COL25A1: variants seen among roughly 807,000 people sequenced by gnomAD.
The protein encoded by COL25A1 is collagen type XXV alpha 1 chain, also known as collagen alpha-1(XXV) chain.
COL25A1 carries 103 observed loss-of-function variants against 128.4 expected under a neutral mutation model. That is an observed-to-expected ratio of 0.80 (90% CI 0.68 to 0.94). The LOEUF (loss-of-function observed/expected upper bound fraction) is 0.94, where lower values mean the gene tolerates loss of function less well. Among genes scored for constraint, COL25A1 ranks in the 40% least tolerant of loss-of-function variants. The pLI is 0.00. For missense variants in COL25A1, 745 were observed against 840.0 expected (o/e 0.89, Z 1.40); for synonymous variants, 279 against 277.2 (o/e 1.01, Z -0.06).
chr4:108,985,263 C>T (rs1753556053), intron 6 of COL25A1, among the ~76,000 whole-genome samples: 4 of 152,174 alleles, frequency 2.6e-5, no homozygotes, highest in Admixed American at 2.6e-4. Flanking sequence ...CAGCCTTGCC[C>T]CAGTTACTCT....
At chr4:109,077,321 T>C (rs1763461881) in intron 3 of COL25A1, among the ~76,000 whole-genome samples, 1 of 152,100 alleles carries the variant, frequency 6.6e-6, no homozygotes, top group African/African-American at 2.4e-5. Flanking sequence ...CAAGCACTGC[T>C]CTAGGGAACA....
At chr4:108,840,988 C>A (rs1251177693) in intron 31 of COL25A1, among the ~76,000 whole-genome samples, 2 of 152,194 alleles carry the variant, frequency 1.3e-5, no homozygotes, top group Non-Finnish European at 2.9e-5. Context: ...GAACATAAGT[C>A]TTCATCACGT....
At chr4:109,134,022 T>G (rs1022994792) in intron 3 of COL25A1, among the ~76,000 whole-genome samples, 4 of 151,928 alleles carry the variant, frequency 2.6e-5, no homozygotes, top group African/African-American at 9.7e-5. Flanking sequence ...TGAAAGAAAT[T>G]AGTATTAAAT....
chr4:109,130,002 T>TAAAAAAAAAAAAAAA (rs35187548), intron 3 of COL25A1, among the ~76,000 whole-genome samples: 1 of 138,696 alleles, frequency 7.2e-6, no homozygotes. Context: ...AAAGTATAAT[T>TAAAAAAAAAAAAAAA]AAAAAAAAAA....
intron 3 of COL25A1, among the ~76,000 whole-genome samples, chr4:109,169,177 T>C (rs1192356963): frequency 1.3e-5 from 2 of 152,212 alleles, no homozygotes; most frequent in African/African-American, 4.8e-5. Flanking sequence ...ACTCAGTGTG[T>C]CCTGACACAT....
At chr4:109,157,147 C>T (rs371246233) in intron 3 of COL25A1, among the ~76,000 whole-genome samples, 1 of 152,200 alleles carries the variant, frequency 6.6e-6, no homozygotes, top group East Asian at 1.9e-4. Flanking sequence ...AGGAAGAGCA[C>T]AGTGACTGAA....
intron 5 of COL25A1, among the ~76,000 whole-genome samples, chr4:109,039,363 ATC>A (rs1404226748): frequency 6.6e-6 from 1 of 152,012 alleles, no homozygotes; most frequent in African/African-American, 2.4e-5. Context: ...TTACTTCCTA[ATC>A]TCTTTCTTGA....
At chr4:108,824,092 A>G (rs1188835423) in intron 35 of COL25A1, 82 bp downstream of exon 35, 1 of 1,613,832 alleles carries the variant, frequency 6.2e-7, no homozygotes, top group Non-Finnish European at 8.5e-7. Flanking sequence ...ATTAAGTGTC[A>G]AATGGAATCA....
At chr4:109,233,009 A>G (rs1281952084) in intron 3 of COL25A1, among the ~76,000 whole-genome samples, 1 of 152,218 alleles carries the variant, frequency 6.6e-6, no homozygotes, top group Non-Finnish European at 1.5e-5. Context: ...GAAGTCCAAA[A>G]TGATAGAATT....
chr4:108,938,186 A>G (rs1414938263), intron 10 of COL25A1, among the ~76,000 whole-genome samples: 2 of 152,186 alleles, frequency 1.3e-5, no homozygotes, highest in African/African-American at 4.8e-5. Context: ...ACTGATGTTA[A>G]ATTTTGGTCT....
intron 3 of COL25A1, among the ~76,000 whole-genome samples, chr4:109,162,328 C>G (rs1772656162): frequency 6.6e-6 from 1 of 152,124 alleles, no homozygotes; most frequent in Non-Finnish European, 1.5e-5. Flanking sequence ...TTGTAAGTGA[C>G]TGGAGCAGGC....
chr4:108,921,184 G>T (rs891837800), intron 11 of COL25A1, among the ~76,000 whole-genome samples: 5 of 152,306 alleles, frequency 3.3e-5, no homozygotes, highest in African/African-American at 9.6e-5. Flanking sequence ...CTAGAAAAGG[G>T]AACAAAAGAT....
At chr4:108,893,138 T>C (rs148919180) in intron 16 of COL25A1, among the ~76,000 whole-genome samples, 535 of 152,222 alleles carry the variant, frequency 3.5e-3, no homozygotes, top group Non-Finnish European at 6.0e-3. Flanking sequence ...ACATGCATCT[T>C]TGCTATGTAG....
At chr4:109,296,817 C>A (rs897147301) in intron 3 of COL25A1, among the ~76,000 whole-genome samples, 1 of 152,090 alleles carries the variant, frequency 6.6e-6, no homozygotes. Context: ...ATACAGAAAT[C>A]TTTGTAATCT....
chr4:108,858,308 A>C (rs1466462755), intron 24 of COL25A1, among the ~76,000 whole-genome samples: 1 of 152,196 alleles, frequency 6.6e-6, no homozygotes, highest in Non-Finnish European at 1.5e-5. Flanking sequence ...CACTAGGGAA[A>C]GAGTCATTGG....
intron 10 of COL25A1, among the ~76,000 whole-genome samples, chr4:108,939,477 T>C (rs1025068137): frequency 6.6e-6 from 1 of 152,142 alleles, no homozygotes; most frequent in East Asian, 1.9e-4. Context: ...TATATTCTCA[T>C]AAAGAGTCAT....
At chr4:109,185,191 G>A (rs1775023851) in intron 3 of COL25A1, among the ~76,000 whole-genome samples, 1 of 152,084 alleles carries the variant, frequency 6.6e-6, no homozygotes, top group Admixed American at 6.5e-5. Flanking sequence ...TTATTCATAA[G>A]GCAGTCAAGG....
chr4:109,089,245 C>T (rs1300944625), intron 3 of COL25A1, among the ~76,000 whole-genome samples: 1 of 152,206 alleles, frequency 6.6e-6, no homozygotes, highest in Non-Finnish European at 1.5e-5. Flanking sequence ...ATTTAATCAT[C>T]CTGGCAAAAT....
chr4:109,225,079 G>A (rs1009355836), intron 3 of COL25A1, among the ~76,000 whole-genome samples: 2 of 152,188 alleles, frequency 1.3e-5, no homozygotes, highest in African/African-American at 4.8e-5. Flanking sequence ...TATGATAGAG[G>A]TGGGCTTGGA....
Sources: gnomAD v4.1 joint callset for allele counts (sites outside exome capture counted in the v4.1 genomes callset) on GRCh38, gnomAD v4.1.1 for gene constraint, MANE v1.5 for transcripts, NCBI Gene and HGNC (gene_info 2026-07-23, HGNC 2026-07-21) for gene names.